CHCHD3: variants seen among roughly 807,000 people sequenced by gnomAD.
The protein encoded by CHCHD3 is coiled-coil-helix-coiled-coil-helix domain containing 3.
In CHCHD3, 20 loss-of-function variants were observed where a neutral mutation model predicts 38.2. The observed-to-expected ratio is 0.52, with a 90% confidence interval of 0.37 to 0.76. CHCHD3 has a LOEUF of 0.76. CHCHD3 is among the 30% of genes least tolerant of loss of function. The pLI is 0.00. For synonymous variants in CHCHD3, 82 were observed against 100.0 expected, an observed-to-expected ratio of 0.82 and a Z score of 1.07; for missense variants, 245 against 279.2, an observed-to-expected ratio of 0.88 and a Z score of 0.87.
At chr7:132,792,473 C>T (rs1806486809) in intron 7 of CHCHD3, among the ~76,000 whole-genome samples, 1 of 152,158 alleles carries the variant, frequency 6.6e-6, no homozygotes, top group Admixed American at 6.5e-5. Context: ...GGAGGCCAGG[C>T]AGCAGCAGAC....
intron 5 of CHCHD3, 144 bp from the exon 6 acceptor site, chr7:132,838,613 T>TA (rs1807856304): frequency 3.3e-6 from 2 of 601,010 alleles, no homozygotes; most frequent in Non-Finnish European, 6.0e-6. Flanking sequence ...CATGGATACT[T>TA]ATAAAACACA....
intron 2 of CHCHD3, among the ~76,000 whole-genome samples, chr7:133,028,207 T>C (rs1199398667): frequency 6.6e-6 from 1 of 152,188 alleles, no homozygotes; most frequent in Non-Finnish European, 1.5e-5. Context: ...CTGCCTCTCC[T>C]AGATTACTTC....
chr7:132,894,680 A>G (rs894851181), intron 4 of CHCHD3, among the ~76,000 whole-genome samples: 2 of 152,202 alleles, frequency 1.3e-5, no homozygotes, highest in African/African-American at 4.8e-5. Flanking sequence ...AACACTCAGT[A>G]CACAGTAGCT....
At chr7:132,855,561 G>A (rs1193119183) in intron 5 of CHCHD3, among the ~76,000 whole-genome samples, 1 of 152,126 alleles carries the variant, frequency 6.6e-6, no homozygotes, top group Admixed American at 6.5e-5. Flanking sequence ...CAAAGGAAAG[G>A]CCTTTTTGAA....
intron 6 of CHCHD3, among the ~76,000 whole-genome samples, chr7:132,825,727 T>C (rs1362096309): frequency 6.6e-6 from 1 of 152,230 alleles, no homozygotes; most frequent in African/African-American, 2.4e-5. Context: ...GATAATGCAC[T>C]ACCACCCAGC....
Position 133,060,637 on chromosome 7 carries a change from G to A in CHCHD3, c.169+9505C>T, listed in dbSNP as rs570771617. ...AAAAACCCAAAAGGAGGCCGGGTGC[G>A]GTGGCTCAGGCCTGTAATCCCAGCA... On this transcript the variant is annotated intron_variant, in intron 2 of 7. Coordinates refer to ENST00000262570, the MANE Select transcript of CHCHD3 (RefSeq NM_017812.4). Among the ~76,000 whole-genome samples the A allele has an allele frequency of 6.6e-5, 10 of 152,296 alleles. No homozygotes were observed. The South Asian group carries it at 8.3e-4, about 13-fold the overall frequency.
At chr7:133,079,190 T>C (rs1236158943) in intron 1 of CHCHD3, among the ~76,000 whole-genome samples, 2 of 152,222 alleles carry the variant, frequency 1.3e-5, no homozygotes, top group South Asian at 2.1e-4. Flanking sequence ...AAATTTGAAG[T>C]TCACTTAAGT....
intron 7 of CHCHD3, among the ~76,000 whole-genome samples, chr7:132,792,299 G>A (rs538709996): frequency 9.7e-4 from 147 of 152,276 alleles, no homozygotes; most frequent in African/African-American, 2.8e-3. Context: ...TTTATTAGCC[G>A]GCAGGGTACA....
At chr7:132,808,053 C>G (rs1269922303) in intron 6 of CHCHD3, among the ~76,000 whole-genome samples, 1 of 152,150 alleles carries the variant, frequency 6.6e-6, no homozygotes, top group Non-Finnish European at 1.5e-5. Flanking sequence ...AAACTCTACA[C>G]AAAGACCAAA....
At chr7:132,988,495 C>G (rs1049128061) in intron 3 of CHCHD3, among the ~76,000 whole-genome samples, 7 of 151,936 alleles carry the variant, frequency 4.6e-5, no homozygotes, top group African/African-American at 1.7e-4. Context: ...AACATAGGTA[C>G]TCTTTATATA....
chr7:132,976,223 C>A (rs1251305231), intron 3 of CHCHD3, among the ~76,000 whole-genome samples: 1 of 152,192 alleles, frequency 6.6e-6, no homozygotes, highest in Non-Finnish European at 1.5e-5. Flanking sequence ...GGGCTCCTCA[C>A]TTCTGGAATG....
At chr7:133,028,178 T>C (rs574863748) in intron 2 of CHCHD3, among the ~76,000 whole-genome samples, 1 of 152,282 alleles carries the variant, frequency 6.6e-6, no homozygotes, top group Non-Finnish European at 1.5e-5. Flanking sequence ...CACAGTCAAA[T>C]GGTATATGTA....
intron 2 of CHCHD3, among the ~76,000 whole-genome samples, chr7:133,069,702 G>A: frequency 6.6e-6 from 1 of 152,148 alleles, no homozygotes; most frequent in East Asian, 1.9e-4. Context: ...AACTAAGACT[G>A]ACTGTGACAA....
At chr7:132,870,669 G>C (rs1490387827) in intron 5 of CHCHD3, among the ~76,000 whole-genome samples, 2 of 152,120 alleles carry the variant, frequency 1.3e-5, no homozygotes, top group Non-Finnish European at 2.9e-5. Flanking sequence ...ATAACTAGGA[G>C]GTCTAATATA....
chr7:132,905,060 G>A (rs556992688), intron 4 of CHCHD3, among the ~76,000 whole-genome samples: 7 of 147,128 alleles, frequency 4.8e-5, no homozygotes, highest in East Asian at 2.1e-4. Flanking sequence ...ACACTTTGAC[G>A]CAAGGCGGGG....
intron 5 of CHCHD3, among the ~76,000 whole-genome samples, chr7:132,869,546 C>T (rs1808714793): frequency 6.6e-6 from 1 of 152,078 alleles, no homozygotes; most frequent in East Asian, 1.9e-4. Flanking sequence ...TTGCCAAATT[C>T]GAAAGCAAAT....
At chr7:132,996,104 G>A (rs1199615262) in intron 3 of CHCHD3, among the ~76,000 whole-genome samples, 1 of 152,194 alleles carries the variant, frequency 6.6e-6, no homozygotes, top group African/African-American at 2.4e-5. Context: ...TAGTCACTAT[G>A]CTATATCTTG....
chr7:132,897,882 C>T (rs1809543010), intron 4 of CHCHD3, among the ~76,000 whole-genome samples: 1 of 152,192 alleles, frequency 6.6e-6, no homozygotes, highest in South Asian at 2.1e-4. Context: ...CGGACCCTCG[C>T]AGTGAGTGTT....
intron 2 of CHCHD3, 109 bp downstream of exon 2, chr7:133,070,033 A>C: frequency 1.4e-6 from 1 of 725,468 alleles, no homozygotes; most frequent in Non-Finnish European, 2.3e-6. Flanking sequence ...ATTAAAAGCT[A>C]AACATCTAAA....
Sources: gnomAD v4.1 joint callset for allele counts (sites outside exome capture counted in the v4.1 genomes callset) on GRCh38, gnomAD v4.1.1 for gene constraint, MANE v1.5 for transcripts, NCBI Gene and HGNC (gene_info 2026-07-23, HGNC 2026-07-21) for gene names.